Variants in EPDR1 observed in about 807,000 individuals in gnomAD.
EPDR1 encodes the protein ependymin related 1.
A neutral mutation model predicts 23.7 loss-of-function variants in EPDR1; 27 were observed. That is an observed-to-expected ratio of 1.14 (90% CI 0.84 to 1.57). The LOEUF is 1.57. EPDR1 is among the 40% of genes most tolerant of loss of function. The probability of loss-of-function intolerance (pLI) is 0.00; values close to 1 mark genes in which losing one functional copy is unlikely to be tolerated. For synonymous variants in EPDR1, 137 were observed against 118.2 expected, an observed-to-expected ratio of 1.16 and a Z score of -1.03; for missense variants, 349 against 290.4, an observed-to-expected ratio of 1.20 and a Z score of -1.47.
chr7:37,948,133 C>T (rs1366896060), intron 1 of EPDR1, among the ~76,000 whole-genome samples: 1 of 152,130 alleles, frequency 6.6e-6, no homozygotes, highest in African/African-American at 2.4e-5. Flanking sequence ...GTTCAGTATA[C>T]CCCCATAATT....
In EPDR1 at chr7:37,948,985, A is replaced by G; in HGVS notation, c.415A>G (p.Ile139Val). 3.1e-6 allele frequency: 5 copies of G among 1,614,098 alleles called. No individual in the cohort carries two copies. The highest frequency in any genetic ancestry group is 3.4e-6 in the Non-Finnish European group (4 of 1,179,994). The change falls in exon 2 of 3, where the codon ATC becomes GTC. Residue 139 changes from isoleucine to valine, a missense_variant. Coordinates refer to ENST00000199448, the MANE Select transcript of EPDR1 (RefSeq NM_017549.5). ...QNSTFEDQYS[I>V]GGPQEQITVQ... ...CTCCACCTTTGAAGACCAGTACTCC[A>G]TCGGGGGGCCTCAGGAGCAGATCAC...
At chr7:37,945,638 TG>T in intron 1 of EPDR1, among the ~76,000 whole-genome samples, 1 of 152,142 alleles carries the variant, frequency 6.6e-6, no homozygotes, top group East Asian at 1.9e-4. Flanking sequence ...ATGTCTGGGG[TG>T]GTGGTGGTGT....
At chr7:37,926,818 T>C (rs1785823521) in intron 1 of EPDR1, 3 of 414,704 alleles carry the variant, frequency 7.2e-6, no homozygotes, top group Non-Finnish European at 1.5e-5. Context: ...TAAGATTTGG[T>C]AGGGAAATAT....
chr7:37,927,681 G>A (rs2132001703), intron 1 of EPDR1, among the ~76,000 whole-genome samples: 1 of 152,292 alleles, frequency 6.6e-6, no homozygotes, highest in Non-Finnish European at 1.5e-5. Context: ...GACTGGGGGA[G>A]GCAGACTAAT....
chr7:37,921,349 G>A (rs1247528176), intron 1 of EPDR1, 141 bp downstream of exon 1: 4 of 1,420,574 alleles, frequency 2.8e-6, no homozygotes, highest in Non-Finnish European at 3.7e-6. Context: ...TCGCGAGGAG[G>A]GTCTCTTGGG....
chr7:37,941,462 G>A (rs1000140643), intron 1 of EPDR1, among the ~76,000 whole-genome samples: 2 of 152,182 alleles, frequency 1.3e-5, no homozygotes, highest in Admixed American at 6.5e-5. Context: ...ATATGATAAA[G>A]TCCAAAGTAT....
intron 2 of EPDR1, among the ~76,000 whole-genome samples, 182 bp from the exon 3 acceptor site, chr7:37,950,018 A>T (rs2722277): frequency 6.6e-6 from 1 of 151,976 alleles, no homozygotes; most frequent in Non-Finnish European, 1.5e-5. Context: ...TGGGAAGATG[A>T]AAAAAGTTCT....
In EPDR1 at chr7:37,948,875, T is replaced by C. The variant is rs374633177; in HGVS notation, c.305T>C (p.Val102Ala). ...TATATTTTGCTGTATAAGGATGGAG[T>C]GATGTTTCAGATTGACCAAGCCACC... The part of the protein sequence containing the change: ...FEYILLYKDG[V>A]MFQIDQATKQ... Residue 102 changes from valine (V) to alanine (A), a missense_variant, in exon 2 of 3, where the codon GTG (valine) becomes GCG (alanine). Val to Ala is a moderately conservative substitution (Grantham distance 64). Coordinates refer to ENST00000199448, the MANE Select transcript of EPDR1 (RefSeq NM_017549.5). 218 of 1,614,058 alleles carry C rather than the reference T, an allele frequency of 1.4e-4. No individual in the cohort carries two copies. The Middle Eastern group carries it at 3.5e-3, about 26-fold the overall frequency.
chr7:37,921,537 G>C, intron 1 of EPDR1: 1 of 1,278,706 alleles, frequency 7.8e-7, no homozygotes, highest in Non-Finnish European at 9.9e-7. Context: ...TGCTGAGTCA[G>C]GCTCTGGGCT....
At chr7:37,933,290 CAA>C (rs1343396243) in intron 1 of EPDR1, among the ~76,000 whole-genome samples, 3 of 152,108 alleles carry the variant, frequency 2.0e-5, no homozygotes, top group African/African-American at 7.2e-5. Flanking sequence ...CCATAAAAGC[CAA>C]AGTCCTTTTG....
chr7:37,946,486 T>G (rs1197126376), intron 1 of EPDR1, among the ~76,000 whole-genome samples: 1 of 152,230 alleles, frequency 6.6e-6, no homozygotes, highest in African/African-American at 2.4e-5. Flanking sequence ...TGATCAGTGA[T>G]GTTGGGCTTT....
intron 1 of EPDR1, among the ~76,000 whole-genome samples, chr7:37,947,878 G>C (rs1786309321): frequency 6.6e-6 from 1 of 152,214 alleles, no homozygotes; most frequent in African/African-American, 2.4e-5. Flanking sequence ...CCCCAGGAAG[G>C]GTGAGCAGGT....
At chr7:37,922,067 A>G (rs1450852) in intron 1 of EPDR1, among the ~76,000 whole-genome samples, 30,805 of 152,014 alleles carry the variant, frequency 0.2, 3,385 homozygotes, top group South Asian at 0.39. Flanking sequence ...ATTTGGGATC[A>G]CCACCTGTCT....
chr7:37,933,171 T>C (rs920110739), intron 1 of EPDR1, among the ~76,000 whole-genome samples: 1 of 152,258 alleles, frequency 6.6e-6, no homozygotes, highest in Non-Finnish European at 1.5e-5. Flanking sequence ...TACGCCAGCA[T>C]GGCAAGTGGC....
rs1028410064 is a variant in EPDR1, at chr7:37,951,796, T to C, written c.*1400T>C. On this transcript the variant is annotated 3_prime_UTR_variant, in exon 3 of 3. Transcript: ENST00000199448. ...ATAATGAAAACAATCTCATTACTTATAGTTTATCTATATTAAACAAATTTA... is the reference window on the plus strand; with the variant it reads ...ATAATGAAAACAATCTCATTACTTACAGTTTATCTATATTAAACAAATTTA... 1.3e-4 allele frequency: 19 copies of C among 151,050 alleles called. No individual in the cohort carries two copies. Among genetic ancestry groups the C allele is most frequent in the Non-Finnish European group, 1.5e-5 (1 of 67,734 alleles). 9.4% of individuals were successfully genotyped at this position (151,050 alleles called of 1,614,324 possible).
At chr7:37,934,323 T>C (rs1224303279) in intron 1 of EPDR1, among the ~76,000 whole-genome samples, 1 of 152,228 alleles carries the variant, frequency 6.6e-6, no homozygotes, top group Non-Finnish European at 1.5e-5. Flanking sequence ...AGATTGCATG[T>C]TGACTTGTTG....
chr7:37,922,970 G>C (rs956133604), intron 1 of EPDR1, among the ~76,000 whole-genome samples: 1 of 152,186 alleles, frequency 6.6e-6, no homozygotes, highest in Non-Finnish European at 1.5e-5. Context: ...AGAGACTGCT[G>C]GTCCAGGGGG....
At chr7:37,940,308 G>A (rs1583668803) in intron 1 of EPDR1, among the ~76,000 whole-genome samples, 1 of 152,142 alleles carries the variant, frequency 6.6e-6, no homozygotes, top group Non-Finnish European at 1.5e-5. Context: ...ATAGGGAAGA[G>A]GAGATAGGGA....
chr7:37,926,029 T>G (rs1171090160), intron 1 of EPDR1, among the ~76,000 whole-genome samples: 1 of 152,220 alleles, frequency 6.6e-6, no homozygotes, highest in Non-Finnish European at 1.5e-5. Flanking sequence ...CAGAAGGCTC[T>G]GCACTCAACT....
Sources: allele counts gnomAD v4.1 joint callset (sites outside exome capture counted in the v4.1 genomes callset), GRCh38; gene constraint gnomAD v4.1.1; transcripts MANE v1.5; gene names NCBI Gene and HGNC (gene_info 2026-07-23, HGNC 2026-07-21).